Variants in KCNN3 observed in about 807,000 individuals in gnomAD.
KCNN3 encodes the protein potassium calcium-activated channel subfamily N member 3.
In KCNN3, 16 loss-of-function variants were observed where a neutral mutation model predicts 62.9. That is an observed-to-expected ratio of 0.25 (90% confidence interval 0.17 to 0.39). The LOEUF is 0.39. Ranked by LOEUF, KCNN3 falls within the 10% of genes least tolerant of loss-of-function variation. The pLI is 1.00. For missense variants in KCNN3, 599 were observed against 949.4 expected, an observed-to-expected ratio of 0.63 and a Z score of 4.85; for synonymous variants, 370 against 389.2, an observed-to-expected ratio of 0.95 and a Z score of 0.58.
chr1:154,824,999 C>T (rs1178098334), intron 1 of KCNN3, among the ~76,000 whole-genome samples: 5 of 152,176 alleles, frequency 3.3e-5, no homozygotes, highest in East Asian at 1.9e-4. Context: ...ATTAACCAAC[C>T]GCTTTTAATA....
chr1:154,803,273 G>T (rs1650034210), intron 2 of KCNN3, among the ~76,000 whole-genome samples: 2 of 152,274 alleles, frequency 1.3e-5, no homozygotes, highest in South Asian at 2.1e-4. Context: ...GGTTAGCAAG[G>T]CTTTCACGCA....
intron 5 of KCNN3, among the ~76,000 whole-genome samples, chr1:154,721,337 T>C (rs1226209474): frequency 6.8e-6 from 1 of 147,250 alleles, no homozygotes; most frequent in Non-Finnish European, 1.5e-5. Flanking sequence ...TCTCACTCTG[T>C]CACCCAGGCT....
chr1:154,768,204 C>T (rs1047111031), intron 3 of KCNN3, among the ~76,000 whole-genome samples: 17 of 152,238 alleles, frequency 1.1e-4, no homozygotes, highest in South Asian at 2.1e-4. Flanking sequence ...CCTGGTCTGA[C>T]GCTTCAGTTC....
intron 3 of KCNN3, among the ~76,000 whole-genome samples, chr1:154,743,424 C>A (rs920712631): frequency 1.4e-4 from 22 of 152,336 alleles, no homozygotes; most frequent in African/African-American, 3.8e-4. Context: ...GGGCCCCCAA[C>A]CTGGGGGCCT....
chr1:154,714,819 G>C, intron 6 of KCNN3, 57 bp downstream of exon 6: 1 of 1,608,630 alleles, frequency 6.2e-7, no homozygotes, highest in South Asian at 1.1e-5. Flanking sequence ...AGAGTTGTAG[G>C]AGTCCCGCCA....
chr1:154,851,176 A>T (rs371304765), intron 1 of KCNN3, among the ~76,000 whole-genome samples: 299 of 152,122 alleles, frequency 2.0e-3, no homozygotes, highest in Middle Eastern at 0.017. Flanking sequence ...ACGGGGTTTC[A>T]CCATGTTGGC....
chr1:154,766,416 T>TTAAATATATATA lies in KCNN3; in HGVS notation c.1448+5558_1448+5559insTATATATATTTA, dbSNP rs1553231995. Among the ~76,000 whole-genome samples, 221 of 71,794 alleles carry TTAAATATATATA rather than the reference T, an allele frequency of 3.1e-3. 27 individuals carry two copies. The highest frequency in any genetic ancestry group is 4.9e-3 in the Non-Finnish European group (176 of 35,914). The allele number at this position is 71,794 out of a possible 152,430, so 47.1% of individuals were successfully genotyped here. A position where few individuals can be genotyped will look rare whatever the true frequency, so the allele number is the denominator to read the frequency against. Reference sequence around the variant, plus strand: ...CCATTTATTAAATACTAGCCAGGCTTTATATATATATATATATATATATAT... The same window carrying TTAAATATATATA: ...CCATTTATTAAATACTAGCCAGGCTTTAAATATATATATATATATATATATATATATATATAT... On this transcript the variant is annotated intron_variant, in intron 3 of 7. Transcript: ENST00000271915.
rs1246824278 is a variant in KCNN3 at position 154,702,733 on chromosome 1, ATATATATATATATAT to A, written c.*5228_*5242del. 8.0e-6 allele frequency: 1 copy of A among 124,726 alleles called. No homozygotes were observed. Among genetic ancestry groups the A allele is most frequent in the East Asian group, 2.1e-4 (1 of 4,664 alleles). 7.7% of individuals were successfully genotyped at this position (124,726 alleles called of 1,614,324 possible). A position where few individuals can be genotyped will look rare whatever the true frequency, so the allele number is the denominator to read the frequency against. On this transcript the variant is annotated 3_prime_UTR_variant, in exon 8 of 8. Coordinates refer to ENST00000271915, the MANE Select transcript of KCNN3 (RefSeq NM_002249.6). ...TATATATATATATATATATATATAT[ATATATATATATATAT>A]GTACTTTTTCTTTTTGGCTATAAAT... is the stretch of plus-strand genomic sequence containing the variant.
chr1:154,748,909 C>A (rs1700996773), intron 3 of KCNN3, among the ~76,000 whole-genome samples: 1 of 152,188 alleles, frequency 6.6e-6, no homozygotes, highest in African/African-American at 2.4e-5. Context: ...GAAACTTGCA[C>A]AAAATAAAAC....
At chr1:154,722,102 C>T (rs2101776470) in intron 5 of KCNN3, among the ~76,000 whole-genome samples, 2 of 152,158 alleles carry the variant, frequency 1.3e-5, no homozygotes, top group East Asian at 3.9e-4. Context: ...ATAGTGCTGG[C>T]TCTCATGGCA....
chr1:154,767,242 G>T (rs921643702), intron 3 of KCNN3, among the ~76,000 whole-genome samples: 15 of 152,160 alleles, frequency 9.9e-5, no homozygotes, highest in African/African-American at 3.6e-4. Flanking sequence ...CAGATCTCCA[G>T]AATAAAATTT....
intron 5 of KCNN3, among the ~76,000 whole-genome samples, 181 bp downstream of exon 5, chr1:154,725,735 G>C (rs1414137629): frequency 6.6e-6 from 1 of 152,086 alleles, no homozygotes; most frequent in Non-Finnish European, 1.5e-5. Flanking sequence ...AGTAGAGATG[G>C]GGTTTCAACG....
In KCNN3 at chr1:154,734,712, A is replaced by G. The variant is rs183306478; in HGVS notation, c.1449-1568T>C. The stretch of plus-strand genomic sequence containing the variant: ...AGTCAGGGAGCAGCAAGAGCATGGT[A>G]TGACGGATACTGTGCATGTATTGAG... On this transcript the variant is annotated intron_variant, in intron 3 of 7. Transcript: ENST00000271915. Among the ~76,000 whole-genome samples, 88 of 152,370 alleles carry G rather than the reference A, an allele frequency of 5.8e-4. 2 individuals are homozygous for G. The highest frequency in any genetic ancestry group is 3.4e-3 in the Middle Eastern group (1 of 294).
At chr1:154,727,211 T>A (rs949111910) in intron 4 of KCNN3, among the ~76,000 whole-genome samples, 1 of 152,168 alleles carries the variant, frequency 6.6e-6, no homozygotes, top group Non-Finnish European at 1.5e-5. Context: ...ATGATGAACT[T>A]ATTAAAGCCA....
At chr1:154,778,611 CTTTTT>C (rs11459390) in intron 2 of KCNN3, among the ~76,000 whole-genome samples, 41 of 73,600 alleles carry the variant, frequency 5.6e-4, no homozygotes, top group Admixed American at 6.3e-4. Flanking sequence ...CTCTCTGTCT[CTTTTT>C]TTTTTTTTTT....
At chr1:154,724,859 CT>C (rs11362418) in intron 5 of KCNN3, among the ~76,000 whole-genome samples, 1,513 of 138,212 alleles carry the variant, frequency 0.011, 14 homozygotes, top group African/African-American at 0.03. Context: ...TAGAATGATT[CT>C]TTTTTTTTTT....
chr1:154,847,337 G>A (rs547126532), intron 1 of KCNN3, among the ~76,000 whole-genome samples: 35 of 152,188 alleles, frequency 2.3e-4, no homozygotes, highest in South Asian at 4.1e-4. Context: ...GAGCTGGGCC[G>A]GCACCCAGCT....
chr1:154,716,895 C>G (rs1249709987), intron 5 of KCNN3, among the ~76,000 whole-genome samples: 1 of 152,198 alleles, frequency 6.6e-6, no homozygotes, highest in East Asian at 1.9e-4. Context: ...ACATTTAATA[C>G]TACTGCCCTC....
chr1:154,783,084 G>GCACA (rs373305639), intron 2 of KCNN3, among the ~76,000 whole-genome samples: 85,142 of 151,500 alleles, frequency 0.56, 25,076 homozygotes, highest in Non-Finnish European at 0.63. Flanking sequence ...GTGGTGGTGG[G>GCACA]CGCCTGTAGT....
Sources: allele counts gnomAD v4.1 joint callset (sites outside exome capture counted in the v4.1 genomes callset), GRCh38; gene constraint gnomAD v4.1.1; transcripts MANE v1.5; gene names NCBI Gene and HGNC (gene_info 2026-07-23, HGNC 2026-07-21).